Variants in FIGNL2 observed in about 807,000 individuals in gnomAD.
FIGNL2 encodes fidgetin-like protein 2.
For synonymous variants in FIGNL2, 565 were observed against 484.0 expected (o/e 1.17, Z -2.20); for missense variants, 1,060 against 950.2 (o/e 1.12, Z -1.52).
Position 51,848,686 on chromosome 12 carries a change from G to A in FIGNL2, c.-158C>T, listed in dbSNP as rs957698789. 2.2e-4 allele frequency: 73 copies of A among 336,324 alleles called. No homozygotes were observed. Among genetic ancestry groups the A allele is most frequent in the Non-Finnish European group, 3.0e-4 (72 of 236,634 alleles). 20.8% of individuals were successfully genotyped at this position (336,324 alleles called of 1,614,324 possible). The stretch of plus-strand genomic sequence containing the variant: ...CCATCCTGGAGCCGCTGCTGCTGCG[G>A]CTGCTGCGGCCGCCGCGGGCGGGAG... On this transcript the variant is annotated 5_prime_UTR_variant, in exon 1 of 2. Transcript: ENST00000618634.
chr12:51,833,400 A>G (rs548231228), intron 1 of FIGNL2, among the ~76,000 whole-genome samples: 1 of 151,982 alleles, frequency 6.6e-6, no homozygotes, highest in Admixed American at 6.6e-5. Flanking sequence ...CTCTTTTCTT[A>G]ACACAGTTGC....
chr12:51,826,381 C>T (rs1398582340), intron 1 of FIGNL2, among the ~76,000 whole-genome samples: 2 of 151,860 alleles, frequency 1.3e-5, no homozygotes, highest in Non-Finnish European at 2.9e-5. Context: ...GTAATCCCAG[C>T]ACTTTGTGAG....
At chr12:51,837,808 TGTTATTACCCTA>T (rs1939603108) in intron 1 of FIGNL2, 1 of 152,210 alleles carries the variant, frequency 6.6e-6, no homozygotes. Context: ...GAAATAGCCT[TGTTATTACCCTA>T]GTCCCTGCCA....
chr12:51,826,693 C>T (rs532439226), intron 1 of FIGNL2, among the ~76,000 whole-genome samples: 2 of 150,884 alleles, frequency 1.3e-5, no homozygotes, highest in Admixed American at 1.3e-4. Context: ...ACCAGGTCAG[C>T]AACTTCTGCT....
At chr12:51,844,585 C>A in intron 1 of FIGNL2, 1 of 589,616 alleles carries the variant, frequency 1.7e-6, no homozygotes, top group Non-Finnish European at 2.1e-6. Context: ...AGGAGGTGGA[C>A]ACCATTCTTC....
chr12:51,822,140 C>T lies in FIGNL2; in HGVS notation c.274G>A (p.Ala92Thr), dbSNP rs370562601. The change falls in exon 2 of 2, where the codon GCC becomes ACC. Residue 92 changes from alanine to threonine, a missense_variant. Physicochemically the swap from Ala to Thr is moderately conservative, Grantham distance 58. Coordinates refer to ENST00000618634, the MANE Select transcript of FIGNL2 (RefSeq NM_001384995.1). ...GGCCAGGGCTCGGGATCCCCTTTGG[C>T]GCCGTTGAGGAAGGAGGCGTCGCTG... ...GYSDASFLNG[A>T]KGDPEPWPGP... The T allele has an allele frequency of 5.6e-6, 9 of 1,610,856 alleles. No homozygotes were observed. The highest frequency in any genetic ancestry group is 7.6e-6 in the Non-Finnish European group (9 of 1,178,742).
rs1472873398 is a variant in FIGNL2 at position 51,820,929 on chromosome 12, C to A, written c.1485G>T (p.Ala495=). The part of the protein sequence containing the change: ...PSVLLISELE[A]LLPARDDGAA... ...CGCCGTCGTCCCGGGCGGGGAGCAG[C>A]GCCTCTAGCTCGCTGATGAGGAGTA... is the stretch of plus-strand genomic sequence containing the variant. The change falls in exon 2 of 2, where the codon GCG becomes GCT. Residue 495 remains alanine, a synonymous_variant. Transcript: ENST00000618634. The A allele has an allele frequency of 1.5e-6, 2 of 1,319,124 alleles. No homozygotes were observed. The highest frequency in any genetic ancestry group is 3.2e-5 in the East Asian group (1 of 30,854). The allele number at this position is 1,319,124 out of a possible 1,614,324, so 81.7% of individuals were successfully genotyped here. A position where few individuals can be genotyped will look rare whatever the true frequency, so the allele number is the denominator to read the frequency against.
At chr12:51,822,494 A>T (rs1939244240) in intron 1 of FIGNL2, 70 bp from the exon 2 acceptor site, 1 of 1,564,202 alleles carries the variant, frequency 6.4e-7, no homozygotes, top group Non-Finnish European at 8.7e-7. Context: ...TGCTAGCCAT[A>T]GGCCAGTCCG....
intron 1 of FIGNL2, chr12:51,844,996 A>G: frequency 2.0e-6 from 1 of 511,522 alleles, no homozygotes; most frequent in Non-Finnish European, 2.5e-6. Flanking sequence ...GACTGGGGTG[A>G]GGGTTTCTTG....
intron 1 of FIGNL2, among the ~76,000 whole-genome samples, chr12:51,834,624 G>C (rs1939550167): frequency 6.6e-6 from 1 of 152,240 alleles, no homozygotes; most frequent in African/African-American, 2.4e-5. Context: ...CCAAACAGCA[G>C]GAGGTCGGCC....
chr12:51,820,962 T>A lies in FIGNL2; in HGVS notation c.1452A>T (p.Pro484=). 8.1e-7 allele frequency: 1 copy of A among 1,227,512 alleles called. No individual in the cohort carries two copies. 76.0% of individuals were successfully genotyped at this position (1,227,512 alleles called of 1,614,324 possible). A position where few individuals can be genotyped will look rare whatever the true frequency, so the allele number is the denominator to read the frequency against. ...QAAFAAARCR[P]PSVLLISELE... is the part of the protein sequence containing the mutation. ...GCTCGCTGATGAGGAGTACGGAGGG[T>A]GGGCGGCAGCGCGCGGCCGCGAAGG... Residue 484 remains proline, a synonymous_variant, in exon 2 of 2, where the codon CCA becomes CCT. Coordinates refer to ENST00000618634, the MANE Select transcript of FIGNL2 (RefSeq NM_001384995.1).
rs1939125484 is a variant in FIGNL2, at chr12:51,819,763, C to T, written c.*689G>A. 1 of 152,488 alleles carries T rather than the reference C, an allele frequency of 6.6e-6. No individual in the cohort carries two copies. The highest frequency in any genetic ancestry group is 2.4e-5 in the African/African-American group (1 of 41,442). 9.4% of individuals were successfully genotyped at this position (152,488 alleles called of 1,614,324 possible). A position where few individuals can be genotyped will look rare whatever the true frequency, so the allele number is the denominator to read the frequency against. On this transcript the variant is annotated 3_prime_UTR_variant, in exon 2 of 2. Coordinates refer to ENST00000618634, the MANE Select transcript of FIGNL2 (RefSeq NM_001384995.1). ...TTCCCCTTCTTTGGGGACTTTTTTT[C>T]CTTGATCCCCCTAGACCCTAGGTTT...
chr12:51,820,687 C>A lies in FIGNL2; in HGVS notation c.1727G>T (p.Cys576Phe), dbSNP rs192804276. 5.5e-5 allele frequency: 83 copies of A among 1,507,834 alleles called. No homozygotes were observed. Among genetic ancestry groups the A allele is most frequent in the Admixed American group, 3.5e-4 (17 of 47,996 alleles). 93.4% of individuals were successfully genotyped at this position (1,507,834 alleles called of 1,614,324 possible). A position where few individuals can be genotyped will look rare whatever the true frequency, so the allele number is the denominator to read the frequency against. ...ILQRALAQQG[C>F]ALSERELAAL... The stretch of plus-strand genomic sequence containing the variant: ...CGCCAGTTCCCGCTCACTGAGCGCG[C>A]AGCCCTGCTGGGCCAGCGCCCGCTG... The change falls in exon 2 of 2, where the codon TGC (cysteine) becomes TTC (phenylalanine). Residue 576 changes from cysteine to phenylalanine, a missense_variant. Coordinates refer to ENST00000618634, the MANE Select transcript of FIGNL2 (RefSeq NM_001384995.1).
chr12:51,821,242 C>G lies in FIGNL2; in HGVS notation c.1172G>C (p.Trp391Ser). 2 of 1,525,772 alleles carry G rather than the reference C, an allele frequency of 1.3e-6. No homozygotes were observed. The highest frequency in any genetic ancestry group is 1.2e-5 in the South Asian group (1 of 83,326). The allele number at this position is 1,525,772 out of a possible 1,614,324, so 94.5% of individuals were successfully genotyped here. A position where few individuals can be genotyped will look rare whatever the true frequency, so the allele number is the denominator to read the frequency against. ...KMVDCGPPVQ[W>S]ADVAGQGALK... ...CGCGCCCTGGCCCGCCACATCCGCC[C>G]ACTGCACCGGGGGCCCGCAGTCCAC... Residue 391 changes from tryptophan (W) to serine (S), a missense_variant, in exon 2 of 2, where the codon TGG becomes TCG. Coordinates refer to ENST00000618634, the MANE Select transcript of FIGNL2 (RefSeq NM_001384995.1).
chr12:51,844,104 A>T (rs966949389), intron 1 of FIGNL2, among the ~76,000 whole-genome samples: 6 of 152,186 alleles, frequency 3.9e-5, no homozygotes, highest in South Asian at 2.1e-4. Context: ...CCAGGGCCAC[A>T]TCACCATCAT....
chr12:51,839,169 G>C (rs1456915210), intron 1 of FIGNL2, among the ~76,000 whole-genome samples: 1 of 147,072 alleles, frequency 6.8e-6, no homozygotes, highest in Non-Finnish European at 1.5e-5. Context: ...ACTTGGTCTT[G>C]AGCCACATTC....
rs1411890445 is a variant in FIGNL2 at position 51,821,964 on chromosome 12, C to A, written c.450G>T (p.Gly150=). ...PEPLYAGNAC[G]GPSAAPEYAA... ...CGTACTCGGGCGCCGCCGATGGGCC[C>A]CCGCACGCATTGCCGGCGTAGAGGG... Residue 150 remains glycine, a synonymous_variant, in exon 2 of 2, where the codon GGG becomes GGT. Transcript: ENST00000618634. 6 of 1,552,986 alleles carry A rather than the reference C, an allele frequency of 3.9e-6. No individual in the cohort carries two copies. Among genetic ancestry groups the A allele is most frequent in the Non-Finnish European group, 5.2e-6 (6 of 1,150,060 alleles).
At chr12:51,832,693 A>G (rs4762021) in intron 1 of FIGNL2, among the ~76,000 whole-genome samples, 41,246 of 151,962 alleles carry the variant, frequency 0.27, 6,435 homozygotes, top group Admixed American at 0.42. Flanking sequence ...CCTAGCTTTG[A>G]CCATCACCTG....
chr12:51,820,433 C>A lies in FIGNL2; in HGVS notation c.*19G>T, dbSNP rs745766990. On this transcript the variant is annotated 3_prime_UTR_variant, in exon 2 of 2. Coordinates refer to ENST00000618634, the MANE Select transcript of FIGNL2 (RefSeq NM_001384995.1). ...GGGGACGGAGGGACTGCGGCTCCCG[C>A]GGCCTCCCCCGCGCGCCGTCAGTGT... is the stretch of plus-strand genomic sequence containing the variant. 1 of 1,578,586 alleles carries A rather than the reference C, an allele frequency of 6.3e-7. No individual in the cohort carries two copies. The highest frequency in any genetic ancestry group is 8.5e-7 in the Non-Finnish European group (1 of 1,170,842).
Sources: allele counts gnomAD v4.1 joint callset (sites outside exome capture counted in the v4.1 genomes callset), GRCh38; gene constraint gnomAD v4.1.1; transcripts MANE v1.5; gene names NCBI Gene and HGNC (gene_info 2026-07-23, HGNC 2026-07-21).